APPBP2: variants seen among roughly 807,000 people sequenced by gnomAD.
APPBP2 encodes the protein amyloid protein-binding protein 2.
Under a neutral mutation model 76.0 loss-of-function variants are expected in APPBP2, and 15 were observed. That is an observed-to-expected ratio of 0.20 (90% CI 0.13 to 0.30). The LOEUF (loss-of-function observed/expected upper bound fraction) is 0.30. Among genes scored for constraint, APPBP2 ranks in the 10% least tolerant of loss-of-function variants. The pLI is 1.00. For missense variants in APPBP2, 401 were observed against 687.2 expected (o/e 0.58, Z 4.66); for synonymous variants, 222 against 242.2 (o/e 0.92, Z 0.77).
intron 1 of APPBP2, among the ~76,000 whole-genome samples, chr17:60,503,079 C>A (rs1254234906): frequency 7.2e-6 from 1 of 138,034 alleles, no homozygotes; most frequent in African/African-American, 3.2e-5. Context: ...GTGGCATGAT[C>A]TCAGCTCACT....
At chr17:60,482,150 G>C (rs1598358181) in intron 3 of APPBP2, among the ~76,000 whole-genome samples, 1 of 152,142 alleles carries the variant, frequency 6.6e-6, no homozygotes, top group East Asian at 1.9e-4. Flanking sequence ...CAAAGTGCTG[G>C]GATTACAGGT....
At chr17:60,448,131 T>C (rs1318600376) in intron 12 of APPBP2, among the ~76,000 whole-genome samples, 2 of 152,148 alleles carry the variant, frequency 1.3e-5, no homozygotes, top group Non-Finnish European at 2.9e-5. Flanking sequence ...AATGGCAGCA[T>C]CTCCAACAAC....
intron 3 of APPBP2, among the ~76,000 whole-genome samples, chr17:60,491,097 C>G (rs563147519): frequency 1.4e-4 from 22 of 152,050 alleles, no homozygotes; most frequent in African/African-American, 2.2e-4. Flanking sequence ...CAGAAGAAGA[C>G]AGAAAAATGT....
At chr17:60,522,844 T>C (rs764308953) in intron 1 of APPBP2, among the ~76,000 whole-genome samples, 9 of 152,048 alleles carry the variant, frequency 5.9e-5, no homozygotes, top group Middle Eastern at 3.4e-3. Context: ...AACAAATATA[T>C]TCTAGTGTCT....
At chr17:60,505,621 C>T (rs1208296639) in intron 1 of APPBP2, among the ~76,000 whole-genome samples, 1 of 144,746 alleles carries the variant, frequency 6.9e-6, no homozygotes, top group Non-Finnish European at 1.5e-5. Flanking sequence ...GGCCCATAAT[C>T]CAAAATCTTT....
rs763411770 is a variant in APPBP2, at chr17:60,494,555, A to G, written c.290T>C (p.Leu97Ser). The change falls in exon 3 of 13, where the codon TTG becomes TCG. Residue 97 changes from leucine (L) to serine (S), a missense_variant. Physicochemically the swap from Leu to Ser is moderately radical, Grantham distance 145. Around this residue, in one of 5 missense-constraint regions of APPBP2, gnomAD observed 149 missense variants for 198.4 expected, o/e 0.75. Coordinates refer to ENST00000083182, the MANE Select transcript of APPBP2 (RefSeq NM_006380.5). ...GCACCGCCTACTGAATGAGTAGGCC[A>G]AGACTGAAGCAACTTTAACACCATG... ...MDHGVKVASV[L>S]AYSFSRRCSY... 1 of 1,612,072 alleles carries G rather than the reference A, an allele frequency of 6.2e-7. No individual in the cohort carries two copies. The highest frequency in any genetic ancestry group is 1.1e-5 in the South Asian group (1 of 90,498).
Position 60,516,199 on chromosome 17 carries a change from C to A in APPBP2, c.138+9595G>T, listed in dbSNP as rs528758407. Among the ~76,000 whole-genome samples the A allele has an allele frequency of 2.6e-4, 39 of 151,784 alleles. No individual in the cohort carries two copies. In the East Asian group the frequency reaches 6.2e-3, roughly 24 times the overall value. ...ACAAAAAAAAAACAAACAAAAAAAA[C>A]CAGATGAGAGTGGTGGTATCCAATC... On this transcript the variant is annotated intron_variant, in intron 1 of 12. Transcript: ENST00000083182.
At chr17:60,467,041 A>G (rs920099249) in intron 4 of APPBP2, among the ~76,000 whole-genome samples, 1 of 148,282 alleles carries the variant, frequency 6.7e-6, no homozygotes, top group African/African-American at 2.7e-5. Context: ...CTATTTAATG[A>G]TATGCAAAAA....
At chr17:60,515,096 G>A (rs986088101) in intron 1 of APPBP2, among the ~76,000 whole-genome samples, 9 of 150,006 alleles carry the variant, frequency 6.0e-5, no homozygotes, top group South Asian at 4.2e-4. Context: ...CAACCACTGC[G>A]CCTGGCCTAT....
chr17:60,524,612 A>G (rs1461611335), intron 1 of APPBP2, among the ~76,000 whole-genome samples: 4 of 90,502 alleles, frequency 4.4e-5, no homozygotes, highest in Middle Eastern at 5.3e-3. Flanking sequence ...CTAATTCTGA[A>G]AAAAAAAAAA....
intron 1 of APPBP2, among the ~76,000 whole-genome samples, chr17:60,511,582 G>GAAAAAAAAAAAAAAAAAAAAA: frequency 8.6e-6 from 1 of 116,698 alleles, no homozygotes; most frequent in African/African-American, 2.8e-5. Flanking sequence ...AGACTCCATT[G>GAAAAAAAAAAAAAAAAAAAAA]AAAAAAAAAA....
intron 12 of APPBP2, among the ~76,000 whole-genome samples, chr17:60,450,748 G>T (rs2090388327): frequency 6.6e-6 from 1 of 150,382 alleles, no homozygotes; most frequent in Non-Finnish European, 1.5e-5. Flanking sequence ...CTCCAGCCTG[G>T]GTGACAGAGT....
chr17:60,476,598 T>G (rs939753489), intron 4 of APPBP2, among the ~76,000 whole-genome samples: 5 of 152,218 alleles, frequency 3.3e-5, no homozygotes, highest in Non-Finnish European at 5.9e-5. Context: ...AATTTTATTG[T>G]GAAATTTCAA....
At chr17:60,480,199 C>T (rs2090618595) in intron 3 of APPBP2, among the ~76,000 whole-genome samples, 1 of 152,100 alleles carries the variant, frequency 6.6e-6, no homozygotes, top group African/African-American at 2.4e-5. Context: ...ATGGCAAAAT[C>T]CTGTCTCTAC....
intron 2 of APPBP2, 124 bp from the exon 3 acceptor site, chr17:60,494,741 AT>A: frequency 3.3e-6 from 3 of 918,612 alleles, no homozygotes; most frequent in Non-Finnish European, 4.6e-6. Flanking sequence ...GATAAAAAGC[AT>A]TTTGCCTTAT....
Position 60,447,734 on chromosome 17 carries a change from T to C in APPBP2, c.1605A>G (p.Glu535=), listed in dbSNP as rs2090361058. 6.2e-7 allele frequency: 1 copy of C among 1,614,108 alleles called. No homozygotes were observed. The highest frequency in any genetic ancestry group is 8.5e-7 in the Non-Finnish European group (1 of 1,180,028). ...NSIGNYEKVF[E]YHNVLSNWNR... is the part of the protein sequence containing the mutation. ...TCCAGTTAGACAGAACATTGTGATA[T>C]TCAAACACTTTCTCGTAATTTCCAA... Residue 535 remains glutamate, a synonymous_variant, in exon 13 of 13, where the codon GAA becomes GAG. Transcript: ENST00000083182.
At chr17:60,491,662 C>T (rs1313482670) in intron 3 of APPBP2, among the ~76,000 whole-genome samples, 1 of 149,672 alleles carries the variant, frequency 6.7e-6, no homozygotes, top group Non-Finnish European at 1.5e-5. Flanking sequence ...CCAGGCTGGT[C>T]TCAAACTCCT....
chr17:60,518,346 CGTGT>C (rs1478076700), intron 1 of APPBP2, among the ~76,000 whole-genome samples: 23 of 128,316 alleles, frequency 1.8e-4, no homozygotes, highest in Middle Eastern at 3.5e-3. Flanking sequence ...CATGCCCAGC[CGTGT>C]GTGCGTGCGT....
At chr17:60,479,020 G>T in intron 4 of APPBP2, 128 bp downstream of exon 4, 2 of 898,626 alleles carry the variant, frequency 2.2e-6, no homozygotes, top group East Asian at 2.9e-5. Context: ...CCAGACTAGT[G>T]AAACTATGAC....
Sources: allele counts gnomAD v4.1 joint callset (sites outside exome capture counted in the v4.1 genomes callset), GRCh38; gene constraint gnomAD v4.1.1; regional missense constraint gnomAD v4.1.1; transcripts MANE v1.5; gene names NCBI Gene and HGNC (gene_info 2026-07-23, HGNC 2026-07-21).